Variants in RBFOX1 observed in about 807,000 individuals in gnomAD.
RBFOX1 encodes RNA binding fox-1 homolog 1.
In RBFOX1, 8 loss-of-function variants were observed where a neutral mutation model predicts 57.7. That is an observed-to-expected ratio of 0.14 (90% CI 0.08 to 0.25). RBFOX1 has a LOEUF of 0.25. RBFOX1 is among the 10% of genes least tolerant of loss of function. RBFOX1 has a pLI of 1.00. For missense variants in RBFOX1, 611 were observed against 548.5 expected (o/e 1.11, Z -1.14); for synonymous variants, 326 against 222.4 (o/e 1.47, Z -4.15).
At chr16:6,286,569 T>C (rs2076926928) in intron 1 of RBFOX1, among the ~76,000 whole-genome samples, 1 of 152,338 alleles carries the variant, frequency 6.6e-6, no homozygotes, top group South Asian at 2.1e-4. Context: ...TTCTGGAAGA[T>C]AGCAGTCGTC....
At chr16:7,004,383 G>T (rs1596647271) in intron 3 of RBFOX1, among the ~76,000 whole-genome samples, 1 of 152,030 alleles carries the variant, frequency 6.6e-6, no homozygotes, top group East Asian at 1.9e-4. Context: ...CAGATTCTTT[G>T]TCCACCGGTT....
chr16:5,814,538 C>T (rs2055552541), intron 3 of RBFOX1, among the ~76,000 whole-genome samples: 1 of 152,220 alleles, frequency 6.6e-6, no homozygotes, highest in South Asian at 2.1e-4. Context: ...AATTCAGGCT[C>T]AGAGGCCACA....
At chr16:7,617,628 C>A (rs1228578786) in intron 10 of RBFOX1, among the ~76,000 whole-genome samples, 2 of 152,072 alleles carry the variant, frequency 1.3e-5, no homozygotes, top group African/African-American at 2.4e-5. Flanking sequence ...AGAGACAGAC[C>A]GTGTATTAAC....
At chr16:6,429,626 A>G (rs2094022188) in intron 2 of RBFOX1, among the ~76,000 whole-genome samples, 1 of 152,198 alleles carries the variant, frequency 6.6e-6, no homozygotes, top group Non-Finnish European at 1.5e-5. Flanking sequence ...GGGTGGGGCC[A>G]GGTGGAGATA....
rs189177980 is a variant in RBFOX1, at chr16:6,361,644, A to T, written c.-64+44587A>T. 1.8e-3 allele frequency among the ~76,000 whole-genome samples: 277 copies of T among 151,946 alleles called. 1 individual carries two copies. Among genetic ancestry groups the T allele is most frequent in the Non-Finnish European group, 3.2e-3 (220 of 67,946 alleles). ...CTCTGTCTCTAAAAAAAAAAAAAAA[A>T]ATCATGGTCAATCATTCTTAAAGCT... On this transcript the variant is annotated intron_variant, in intron 2 of 15. Coordinates refer to ENST00000550418, the MANE Select transcript of RBFOX1 (RefSeq NM_018723.4).
intron 4 of RBFOX1, among the ~76,000 whole-genome samples, chr16:7,209,338 A>G (rs1005927479): frequency 5.3e-5 from 8 of 151,944 alleles, no homozygotes; most frequent in African/African-American, 1.9e-4. Flanking sequence ...TCTGTTTCAA[A>G]TAAATAAATA....
At chr16:6,994,043 C>T (rs970396105) in intron 3 of RBFOX1, among the ~76,000 whole-genome samples, 50 of 152,134 alleles carry the variant, frequency 3.3e-4, no homozygotes, top group African/African-American at 1.2e-3. Context: ...CCACCTCCCC[C>T]TCTGGGAGTT....
At chr16:7,268,033 C>G (rs925761539) in intron 4 of RBFOX1, among the ~76,000 whole-genome samples, 5 of 152,112 alleles carry the variant, frequency 3.3e-5, no homozygotes, top group Admixed American at 6.5e-5. Context: ...TAGCCTACGA[C>G]ACATCTAGGC....
chr16:5,894,633 T>G (rs1395786914), intron 4 of RBFOX1, among the ~76,000 whole-genome samples: 1 of 152,164 alleles, frequency 6.6e-6, no homozygotes, highest in African/African-American at 2.4e-5. Flanking sequence ...ATCAGAGCCC[T>G]GAGTTTCCTT....
chr16:6,661,129 T>C (rs1274973983), intron 3 of RBFOX1, among the ~76,000 whole-genome samples: 1 of 152,238 alleles, frequency 6.6e-6, no homozygotes, highest in Non-Finnish European at 1.5e-5. Flanking sequence ...ATTGCTGTTT[T>C]CTAAGCCAAT....
chr16:6,431,892 G>GCTTT lies in RBFOX1; in HGVS notation c.-64+114838_-64+114839insTCTT, dbSNP rs1491491088. Among the ~76,000 whole-genome samples, 622 of 118,046 alleles carry GCTTT rather than the reference G, an allele frequency of 5.3e-3. 2 individuals are homozygous for GCTTT. Among genetic ancestry groups the GCTTT allele is most frequent in the Admixed American group, 0.013 (147 of 11,330 alleles). 77.4% of individuals were successfully genotyped at this position (118,046 alleles called of 152,430 possible). A position where few individuals can be genotyped will look rare whatever the true frequency, so the allele number is the denominator to read the frequency against. On this transcript the variant is annotated intron_variant, in intron 2 of 15. Transcript: ENST00000550418. Reference sequence around the variant, plus strand: ...AACATGTCCAGAAATATGCTTGCTTGCTTGCTTTCTTTCTTTCTTTCTTTC... The same window carrying GCTTT: ...AACATGTCCAGAAATATGCTTGCTTGCTTTCTTGCTTTCTTTCTTTCTTTCTTTC...
At chr16:6,763,561 A>G (rs2076928077) in intron 3 of RBFOX1, among the ~76,000 whole-genome samples, 1 of 152,162 alleles carries the variant, frequency 6.6e-6, no homozygotes, top group African/African-American at 2.4e-5. Flanking sequence ...GCTTGGGGTT[A>G]TTTCTTAATA....
chr16:6,683,492 C>G (rs938407864), intron 3 of RBFOX1, among the ~76,000 whole-genome samples: 14 of 152,038 alleles, frequency 9.2e-5, no homozygotes, highest in Non-Finnish European at 1.8e-4. Flanking sequence ...ATACATGCAT[C>G]CAAAACTATA....
At chr16:6,205,869 T>G (rs1212036879) in intron 1 of RBFOX1, among the ~76,000 whole-genome samples, 1 of 144,220 alleles carries the variant, frequency 6.9e-6, no homozygotes, top group African/African-American at 2.6e-5. Flanking sequence ...CATACTTTTT[T>G]TTTTTTTTTT....
chr16:5,883,379 T>TA (rs2057813805), intron 4 of RBFOX1, among the ~76,000 whole-genome samples: 1 of 152,158 alleles, frequency 6.6e-6, no homozygotes, highest in African/African-American at 2.4e-5. Context: ...CTATTCCTCA[T>TA]AATACTTTTT....
At chr16:5,862,013 G>T (rs929520816) in intron 3 of RBFOX1, among the ~76,000 whole-genome samples, 3 of 152,208 alleles carry the variant, frequency 2.0e-5, no homozygotes, top group African/African-American at 7.2e-5. Context: ...TCAGGCCTGA[G>T]AGTGACGGCC....
At chr16:6,747,812 T>A (rs1405420060) in intron 3 of RBFOX1, among the ~76,000 whole-genome samples, 1 of 152,114 alleles carries the variant, frequency 6.6e-6, no homozygotes, top group African/African-American at 2.4e-5. Context: ...TTGTGACATA[T>A]CCTCAGTCCC....
chr16:7,708,977 T>G, intron 14 of RBFOX1, 79 bp from the exon 15 acceptor site: 1 of 1,357,564 alleles, frequency 7.4e-7, no homozygotes, highest in Non-Finnish European at 1.1e-6. Flanking sequence ...CATACTGTCT[T>G]GGTATTTTGG....
intron 4 of RBFOX1, among the ~76,000 whole-genome samples, chr16:7,226,974 G>C (rs942785137): frequency 6.6e-6 from 1 of 152,120 alleles, no homozygotes; most frequent in Non-Finnish European, 1.5e-5. Flanking sequence ...ATGAATTTCT[G>C]GCTTGTCTTC....
Sources: allele counts gnomAD v4.1 joint callset (sites outside exome capture counted in the v4.1 genomes callset), GRCh38; gene constraint gnomAD v4.1.1; transcripts MANE v1.5; gene names NCBI Gene and HGNC (gene_info 2026-07-23, HGNC 2026-07-21).